The following DBI variants were observed in gnomAD, a reference collection of about 807,000 sequenced individuals.
DBI encodes the protein acyl-CoA-binding protein.
Under a neutral mutation model 13.0 loss-of-function variants are expected in DBI, and 12 were observed. The ratio of observed to expected loss-of-function variants is 0.92; its 90% CI spans 0.59 to 1.49. The LOEUF (loss-of-function observed/expected upper bound fraction) is 1.49. Ranked by LOEUF, DBI falls within the 40% of genes most tolerant of loss-of-function variation. The pLI is 0.00. For missense variants in DBI, 95 were observed against 104.8 expected (o/e 0.91, Z 0.41); for synonymous variants, 37 against 37.4 (o/e 0.99, Z 0.04).
chr2:119,371,942 G>A (rs766683082), intron 3 of DBI, among the ~76,000 whole-genome samples: 2 of 152,194 alleles, frequency 1.3e-5, no homozygotes, highest in Non-Finnish European at 2.9e-5. Context: ...TCTGGAGGGT[G>A]GCACCTCTCT....
At chr2:119,370,379 G>C (rs192269559) in intron 2 of DBI, 1 of 161,850 alleles carries the variant, frequency 6.2e-6, no homozygotes, top group East Asian at 1.8e-4. Flanking sequence ...GGGTGAGAGA[G>C]AAACTTTATA....
chr2:119,372,438 G>C lies in DBI; in HGVS notation c.*120G>C. ...ATAACCAGTTAAACCAGCTACTCAAGGCTGCTCACCATACGGCTCTAACAG... is the reference window on the plus strand; with the variant it reads ...ATAACCAGTTAAACCAGCTACTCAACGCTGCTCACCATACGGCTCTAACAG... On this transcript the variant is annotated 3_prime_UTR_variant, in exon 4 of 4. Transcript: ENST00000355857. 1 of 735,786 alleles carries C rather than the reference G, an allele frequency of 1.4e-6. No individual in the cohort carries two copies. 45.6% of individuals were successfully genotyped at this position (735,786 alleles called of 1,614,324 possible).
chr2:119,368,395 C>A, intron 2 of DBI, 90 bp downstream of exon 2: 1 of 916,156 alleles, frequency 1.1e-6, no homozygotes, highest in Non-Finnish European at 1.8e-6. Context: ...CACTCTCAAA[C>A]TGCCTGAGGC....
At position 119,372,233 on chromosome 2, in the gene DBI, G is replaced by A. The variant is rs372038078; in HGVS notation, c.191-12G>A. ...TACCTCCCTGACACATAATCCTGTC[G>A]ATTCCTTACAGGGACTTCCAAGGAA... On this transcript the variant is annotated splice_polypyrimidine_tract_variant and intron_variant, in intron 3 of 3. Coordinates refer to ENST00000355857, the MANE Select transcript of DBI (RefSeq NM_001079862.4). 1.7e-5 allele frequency: 28 copies of A among 1,608,660 alleles called. No homozygotes were observed. The highest frequency in any genetic ancestry group is 7.7e-5 in the South Asian group (7 of 90,920).
At chr2:119,371,318 T>A (rs749013872) in intron 3 of DBI, among the ~76,000 whole-genome samples, 37 of 152,234 alleles carry the variant, frequency 2.4e-4, no homozygotes, top group Non-Finnish European at 4.0e-4. Flanking sequence ...TCCAAGCTCG[T>A]ACTTAATCAC....
At position 119,372,305 on chromosome 2, in the gene DBI, AATACGGG is replaced by A; in HGVS notation, c.255_261del (p.Gly86GlufsTer23). 1.2e-6 allele frequency: 2 copies of A among 1,612,556 alleles called. No homozygotes were observed. Among genetic ancestry groups the A allele is most frequent in the Non-Finnish European group, 1.7e-6 (2 of 1,178,650 alleles). ...AACAAAGTAGAAGAGCTAAAGAAAA[AATACGGG>A]ATATGAGAGACTGGATTTGGTTACT... On this transcript the variant is annotated frameshift_variant, in exon 4 of 4. Coordinates refer to ENST00000355857, the MANE Select transcript of DBI (RefSeq NM_001079862.4). LOFTEE classifies it high-confidence loss of function.
intron 2 of DBI, chr2:119,368,766 C>G (rs78034120): frequency 0.015 from 2,402 of 162,846 alleles, 62 homozygotes; most frequent in African/African-American, 0.053. Context: ...AAGTCTGTGC[C>G]TTCCTGATGA....
intron 2 of DBI, 157 bp downstream of exon 2, chr2:119,368,462 G>A (rs1377707277): frequency 1.9e-5 from 12 of 640,440 alleles, no homozygotes; most frequent in East Asian, 1.8e-4. Context: ...ACCATGTTCC[G>A]GATTCTCAGT....
Position 119,367,009 on chromosome 2 carries a change from GCCT to G in DBI, c.-37_-35del. 1.9e-6 allele frequency: 3 copies of G among 1,613,488 alleles called. No homozygotes were observed. Among genetic ancestry groups the G allele is most frequent in the Admixed American group, 1.7e-5 (1 of 59,992 alleles). On this transcript the variant is annotated 5_prime_UTR_variant, in exon 1 of 4. Transcript: ENST00000355857. ...TCTGGGCGATCGCTTCCTGGTCCTC[GCCT>G]CCTCCGCTGTCTCCCTGGAGTTCTT...
At position 119,369,873 on chromosome 2, in the gene DBI, C is replaced by T. The variant is rs372739491; in HGVS notation, c.128-867C>T. Among the ~76,000 whole-genome samples the T allele has an allele frequency of 3.3e-5, 5 of 152,282 alleles. No individual in the cohort carries two copies. The East Asian group carries it at 9.7e-4, about 29-fold the overall frequency. On this transcript the variant is annotated intron_variant, in intron 2 of 3. Coordinates refer to ENST00000355857, the MANE Select transcript of DBI (RefSeq NM_001079862.4). ...AACCACATTTCAGATGCCCAGTAGT[C>T]ATTTCAGGTACTTGGTGTGGCAAGT...
At chr2:119,367,521 G>A in intron 1 of DBI, 1 of 1,603,764 alleles carries the variant, frequency 6.2e-7, no homozygotes, top group Non-Finnish European at 8.5e-7. Flanking sequence ...ATCGCGGCCC[G>A]GGGAGAGGTG....
chr2:119,367,812 G>C, intron 1 of DBI: 1 of 1,612,396 alleles, frequency 6.2e-7, no homozygotes, highest in Non-Finnish European at 8.5e-7. Context: ...CCTAGTGCCT[G>C]GCCCGGTGGT....
chr2:119,368,226 T>G lies in DBI; in HGVS notation c.48T>G (p.Leu16=). 6.2e-7 allele frequency: 1 copy of G among 1,613,910 alleles called. No homozygotes were observed. Among genetic ancestry groups the G allele is most frequent in the Non-Finnish European group, 8.5e-7 (1 of 1,180,024 alleles). The change falls in exon 2 of 4, where the codon CTT becomes CTG. Residue 16 remains leucine (L), a synonymous_variant. Coordinates refer to ENST00000355857, the MANE Select transcript of DBI (RefSeq NM_001079862.4). ...FEKAAEEVRH[L]KTKPSDEEML... is the part of the protein sequence containing the mutation. ...AAGCTGCAGAGGAGGTTAGGCACCT[T>G]AAGACCAAGCCATCGGATGAGGAGA...
chr2:119,368,863 T>G (rs911999343), intron 2 of DBI: 2 of 156,746 alleles, frequency 1.3e-5, no homozygotes, highest in African/African-American at 4.8e-5. Flanking sequence ...CTTTCCTGCC[T>G]TGGGCAGGTT....
At chr2:119,369,294 TG>T (rs1239024283) in intron 2 of DBI, among the ~76,000 whole-genome samples, 1 of 152,190 alleles carries the variant, frequency 6.6e-6, no homozygotes, top group African/African-American at 2.4e-5. Flanking sequence ...TCACAGAGAC[TG>T]GCCTGTGCCC....
chr2:119,368,037 G>A (rs1011631457), intron 1 of DBI, 151 bp from the exon 2 acceptor site: 8 of 1,555,352 alleles, frequency 5.1e-6, no homozygotes, highest in Non-Finnish European at 7.1e-6. Flanking sequence ...GCAGGGAGGG[G>A]CAGACACACT....
At position 119,368,268 on chromosome 2, in the gene DBI, C is replaced by G. The variant is rs1681225731; in HGVS notation, c.90C>G (p.Gly30=). 3 of 1,614,022 alleles carry G rather than the reference C, an allele frequency of 1.9e-6. No homozygotes were observed. The highest frequency in any genetic ancestry group is 2.5e-6 in the Non-Finnish European group (3 of 1,179,928). The change falls in exon 2 of 4, where the codon GGC becomes GGG. Residue 30 remains glycine, a synonymous_variant. Transcript: ENST00000355857. ...ATGAGGAGATGCTGTTCATCTATGG[C>G]CACTACAAACAAGCAACTGTGGGCG... ...PSDEEMLFIY[G]HYKQATVGDI...
chr2:119,367,584 T>C (rs1302562788), intron 1 of DBI: 2 of 1,613,852 alleles, frequency 1.2e-6, no homozygotes, highest in East Asian at 2.2e-5. Flanking sequence ...GAGACCGAGC[T>C]ATGTGGGGCG....
At position 119,370,863 on chromosome 2, in the gene DBI, T is replaced by A; in HGVS notation, c.190+61T>A. On this transcript the variant is annotated intron_variant, in intron 3 of 3. Transcript: ENST00000355857. ...CCCAGTAGTGAAAGAGTCTTCATTA[T>A]GAAGTGTAAGGGAAGAGGAGAGAAA... The A allele has an allele frequency of 3.4e-6, 5 of 1,473,648 alleles. No homozygotes were observed. The South Asian group carries it at 5.8e-5, about 17-fold the overall frequency. The allele number at this position is 1,473,648 out of a possible 1,614,324, so 91.3% of individuals were successfully genotyped here.
Sources: allele counts gnomAD v4.1 joint callset (sites outside exome capture counted in the v4.1 genomes callset), GRCh38; gene constraint gnomAD v4.1.1; transcripts MANE v1.5; gene names NCBI Gene and HGNC (gene_info 2026-07-23, HGNC 2026-07-21).